CDK6: variants seen among roughly 807,000 people sequenced by gnomAD.
CDK6 encodes the protein cyclin dependent kinase 6, also known as cyclin-dependent kinase 6.
A neutral mutation model predicts 37.1 loss-of-function variants in CDK6; 6 were observed. That is an observed-to-expected ratio of 0.16 (90% confidence interval 0.09 to 0.32). CDK6 has a LOEUF of 0.32. CDK6 is among the 10% of genes least tolerant of loss of function. CDK6 has a pLI of 1.00. For synonymous variants in CDK6, 160 were observed against 161.3 expected, an observed-to-expected ratio of 0.99 and a Z score of 0.06; for missense variants, 224 against 418.9, an observed-to-expected ratio of 0.53 and a Z score of 4.06.
At chr7:92,710,246 A>G (rs2116678849) in intron 4 of CDK6, among the ~76,000 whole-genome samples, 1 of 152,302 alleles carries the variant, frequency 6.6e-6, no homozygotes, top group Middle Eastern at 3.4e-3. Flanking sequence ...ATGAGTGATG[A>G]AACCTAAAGT....
At chr7:92,699,660 C>G (rs1562939703) in intron 4 of CDK6, among the ~76,000 whole-genome samples, 1 of 152,166 alleles carries the variant, frequency 6.6e-6, no homozygotes. Context: ...CATACATATA[C>G]AAATGTGCCT....
intron 2 of CDK6, among the ~76,000 whole-genome samples, chr7:92,791,595 G>T (rs1800282750): frequency 6.6e-6 from 1 of 152,094 alleles, no homozygotes; most frequent in African/African-American, 2.4e-5. Flanking sequence ...AGACAGGCTT[G>T]CCCTGGCTAA....
At chr7:92,813,387 C>T (rs1800939882) in intron 2 of CDK6, among the ~76,000 whole-genome samples, 1 of 152,152 alleles carries the variant, frequency 6.6e-6, no homozygotes, top group African/African-American at 2.4e-5. Flanking sequence ...GTTTTGTTCC[C>T]TAACTGGTCC....
At chr7:92,732,353 G>A (rs1053852573) in intron 3 of CDK6, among the ~76,000 whole-genome samples, 4 of 152,192 alleles carry the variant, frequency 2.6e-5, no homozygotes, top group Non-Finnish European at 5.9e-5. Context: ...GGAGGTTGAG[G>A]CTGCAGTGAG....
intron 5 of CDK6, among the ~76,000 whole-genome samples, chr7:92,636,867 G>A (rs1016193498): frequency 5.9e-5 from 9 of 152,100 alleles, no homozygotes; most frequent in Non-Finnish European, 1.3e-4. Flanking sequence ...GTTTTGCCAT[G>A]TTAGCCAGGC....
Position 92,607,001 on chromosome 7 carries a change from T to C in CDK6, c.*8139A>G. ...GGTTGTTAAAATCCCTTTTATTTTATAATAAATTATACAGGCAATCCTTGC... is the reference window on the plus strand; with the variant it reads ...GGTTGTTAAAATCCCTTTTATTTTACAATAAATTATACAGGCAATCCTTGC... On this transcript the variant is annotated 3_prime_UTR_variant, in exon 8 of 8. Coordinates refer to ENST00000424848, the MANE Select transcript of CDK6 (RefSeq NM_001145306.2). The C allele has an allele frequency of 4.3e-6, 1 of 233,216 alleles. No individual in the cohort carries two copies. Among genetic ancestry groups the C allele is most frequent in the East Asian group, 6.0e-5 (1 of 16,564 alleles). The allele number at this position is 233,216 out of a possible 1,614,324, so 14.4% of individuals were successfully genotyped here.
At chr7:92,772,220 G>C (rs561672333) in intron 3 of CDK6, among the ~76,000 whole-genome samples, 4 of 152,052 alleles carry the variant, frequency 2.6e-5, no homozygotes, top group Non-Finnish European at 5.9e-5. Context: ...TTTAAATTAA[G>C]AATGAAGATA....
chr7:92,798,345 C>A (rs187114609), intron 2 of CDK6, among the ~76,000 whole-genome samples: 20 of 152,270 alleles, frequency 1.3e-4, no homozygotes, highest in Admixed American at 6.5e-4. Flanking sequence ...TAATTCATAG[C>A]TTGATGATCT....
intron 3 of CDK6, among the ~76,000 whole-genome samples, chr7:92,735,058 G>A (rs1798752330): frequency 6.6e-6 from 1 of 152,142 alleles, no homozygotes. Context: ...CTTTGCCTGA[G>A]TCTTCACTTG....
intron 2 of CDK6, among the ~76,000 whole-genome samples, chr7:92,822,412 TGA>T (rs537553976): frequency 5.5e-4 from 83 of 152,256 alleles, no homozygotes; most frequent in East Asian, 4.4e-3. Context: ...AATGCAATAC[TGA>T]GTGAATAGAA....
At chr7:92,725,873 A>G (rs1243834712) in intron 3 of CDK6, 80 bp from the exon 4 acceptor site, 15 of 1,333,688 alleles carry the variant, frequency 1.1e-5, no homozygotes, top group Non-Finnish European at 1.6e-5. Flanking sequence ...CCGAATCCTT[A>G]GCATTTTGTG....
At chr7:92,808,835 G>A (rs1360116781) in intron 2 of CDK6, among the ~76,000 whole-genome samples, 1 of 152,126 alleles carries the variant, frequency 6.6e-6, no homozygotes, top group Non-Finnish European at 1.5e-5. Flanking sequence ...CATATTTTCA[G>A]TATGATTATG....
intron 4 of CDK6, among the ~76,000 whole-genome samples, chr7:92,720,704 G>A (rs1207360648): frequency 2.0e-5 from 3 of 152,308 alleles, no homozygotes; most frequent in Admixed American, 1.3e-4. Context: ...CGGGTGCACA[G>A]TGAGGTAGGA....
intron 3 of CDK6, among the ~76,000 whole-genome samples, chr7:92,767,302 T>C (rs923147784): frequency 6.6e-6 from 1 of 152,238 alleles, no homozygotes; most frequent in African/African-American, 2.4e-5. Context: ...TGCATAAAAA[T>C]GTTCTCCTTT....
chr7:92,681,022 C>G (rs140614941), intron 4 of CDK6, among the ~76,000 whole-genome samples: 1 of 152,162 alleles, frequency 6.6e-6, no homozygotes. Context: ...TATCTGATAG[C>G]TAGATACATC....
intron 2 of CDK6, among the ~76,000 whole-genome samples, chr7:92,803,793 AG>A (rs1246490533): frequency 6.6e-6 from 1 of 152,204 alleles, no homozygotes; most frequent in African/African-American, 2.4e-5. Context: ...CAGTATGAAA[AG>A]GGGGAAAAAA....
chr7:92,830,183 A>ACACT (rs1801437874), intron 2 of CDK6, among the ~76,000 whole-genome samples: 1 of 152,208 alleles, frequency 6.6e-6, no homozygotes, highest in South Asian at 2.1e-4. Context: ...TACTTCCCAG[A>ACACT]CACTCACTGG....
rs149075717 is a variant in CDK6, at chr7:92,645,057, C to T, written c.648-21971G>A. Among the ~76,000 whole-genome samples the T allele has an allele frequency of 4.1e-3, 623 of 152,318 alleles. 4 individuals carry two copies. The highest frequency in any genetic ancestry group is 0.014 in the African/African-American group (586 of 41,576). On this transcript the variant is annotated intron_variant, in intron 5 of 7. Transcript: ENST00000424848. The stretch of plus-strand genomic sequence containing the variant: ...ATGGAAAGCAAATTGTTCACCCCCA[C>T]ACGCAAAAGCTCTTGAGTGGCAGAA...
rs776632282 is a variant in CDK6, at chr7:92,612,831, G to A, written c.*2309C>T. On this transcript the variant is annotated 3_prime_UTR_variant, in exon 8 of 8. Coordinates refer to ENST00000424848, the MANE Select transcript of CDK6 (RefSeq NM_001145306.2). The stretch of plus-strand genomic sequence containing the variant: ...AAAAACTAAAGCTATGTTCACTCTA[G>A]CCATGAATACTAACCAAAAAGCTCA... 4.3e-6 allele frequency: 1 copy of A among 232,956 alleles called. No individual in the cohort carries two copies. Among genetic ancestry groups the A allele is most frequent in the Non-Finnish European group, 8.5e-6 (1 of 117,960 alleles). 14.4% of individuals were successfully genotyped at this position (232,956 alleles called of 1,614,324 possible).
Sources: gnomAD v4.1 joint callset for allele counts (sites outside exome capture counted in the v4.1 genomes callset) on GRCh38, gnomAD v4.1.1 for gene constraint, MANE v1.5 for transcripts, NCBI Gene and HGNC (gene_info 2026-07-23, HGNC 2026-07-21) for gene names.